Variants in PALM2AKAP2 observed in about 807,000 individuals in gnomAD.
PALM2AKAP2 encodes PALM2-AKAP2 fusion protein.
Under a neutral mutation model 71.5 loss-of-function variants are expected in PALM2AKAP2, and 37 were observed. The observed-to-expected ratio is 0.52, with a 90% CI of 0.40 to 0.68. The LOEUF is 0.68. Among genes scored for constraint, PALM2AKAP2 ranks in the 30% least tolerant of loss-of-function variants. The pLI is 0.00. For missense variants in PALM2AKAP2, 1,224 were observed against 1,191.8 expected, an observed-to-expected ratio of 1.03 and a Z score of -0.40; for synonymous variants, 468 against 478.8, an observed-to-expected ratio of 0.98 and a Z score of 0.29.
chr9:109,785,646 T>G (rs1264257984), intron 1 of PALM2AKAP2, among the ~76,000 whole-genome samples: 1 of 152,208 alleles, frequency 6.6e-6, no homozygotes, highest in East Asian at 1.9e-4. Context: ...GAAACTCCCC[T>G]TTATAAAACC....
chr9:109,697,966 A>G (rs142419775), intron 1 of PALM2AKAP2, among the ~76,000 whole-genome samples: 4 of 152,300 alleles, frequency 2.6e-5, no homozygotes, highest in African/African-American at 4.8e-5. Flanking sequence ...TTGCACCATT[A>G]TTAGTGCTTT....
chr9:109,710,009 A>G (rs756460394), intron 1 of PALM2AKAP2, among the ~76,000 whole-genome samples: 1 of 152,200 alleles, frequency 6.6e-6, no homozygotes, highest in African/African-American at 2.4e-5. Context: ...CCTTATAAGA[A>G]GAAAAGAAAC....
intron 7 of PALM2AKAP2, among the ~76,000 whole-genome samples, chr9:110,017,729 CTT>C (rs11344725): frequency 7.0e-4 from 30 of 42,744 alleles, no homozygotes; most frequent in African/African-American, 6.9e-4. Flanking sequence ...CGGCATATTC[CTT>C]TTTTTTTTTT....
chr9:109,861,314 G>T (rs1829301754), intron 1 of PALM2AKAP2, among the ~76,000 whole-genome samples: 2 of 152,184 alleles, frequency 1.3e-5, no homozygotes, highest in South Asian at 4.1e-4. Context: ...GAGCAAAAAG[G>T]TGGAAATAGG....
chr9:109,898,868 C>G (rs1320485728), intron 3 of PALM2AKAP2, among the ~76,000 whole-genome samples: 1 of 152,214 alleles, frequency 6.6e-6, no homozygotes, highest in Non-Finnish European at 1.5e-5. Context: ...TCCTCACTTT[C>G]ATCAACTGTT....
chr9:109,782,352 G>T (rs1826827196), intron 1 of PALM2AKAP2, among the ~76,000 whole-genome samples: 1 of 151,614 alleles, frequency 6.6e-6, no homozygotes, highest in Non-Finnish European at 1.5e-5. Flanking sequence ...TCTCATGAAT[G>T]TGCACCTAAT....
chr9:109,737,199 T>C (rs2118675134), intron 1 of PALM2AKAP2, among the ~76,000 whole-genome samples: 1 of 152,314 alleles, frequency 6.6e-6, no homozygotes, highest in Middle Eastern at 3.4e-3. Context: ...ACGCTATGAT[T>C]ACAGTGGCTT....
intron 1 of PALM2AKAP2, among the ~76,000 whole-genome samples, chr9:109,661,819 G>C (rs1008423872): frequency 2.4e-4 from 37 of 152,152 alleles, no homozygotes; most frequent in Non-Finnish European, 4.0e-4. Context: ...TCTTCCATTT[G>C]TTTGTGTCCT....
At position 109,809,225 on chromosome 9, in the gene PALM2AKAP2, A is replaced by G. The variant is rs114263298; in HGVS notation, c.45+28692A>G. On this transcript the variant is annotated intron_variant, in intron 1 of 9. Coordinates refer to the PALM2AKAP2 transcript ENST00000302798. ...TACTGACAGCTTTCATCGTGCAACT[A>G]GAAATGCCACAGACTTTCAATGCTA... Among the ~76,000 whole-genome samples the G allele has an allele frequency of 4.7e-3, 721 of 152,322 alleles. 11 individuals carry two copies. Among genetic ancestry groups the G allele is most frequent in the African/African-American group, 0.017 (695 of 41,570 alleles).
rs546934529 is a variant in PALM2AKAP2, at chr9:109,973,949, T to C, written c.496+41921T>C. Among the ~76,000 whole-genome samples, 209 of 152,308 alleles carry C rather than the reference T, an allele frequency of 1.4e-3. 1 individual carries two copies. Among genetic ancestry groups the C allele is most frequent in the African/African-American group, 4.8e-3 (199 of 41,572 alleles). On this transcript the variant is annotated intron_variant, in intron 6 of 9. Coordinates refer to the PALM2AKAP2 transcript ENST00000302798. ...AGCATCTACTATGTGCCTGGCGCTG[T>C]GCTGGGCATTGGAAACACAGTGATG...
At chr9:109,956,219 G>C (rs1211722272) in intron 6 of PALM2AKAP2, among the ~76,000 whole-genome samples, 1 of 151,980 alleles carries the variant, frequency 6.6e-6, no homozygotes, top group Non-Finnish European at 1.5e-5. Flanking sequence ...TGGCCAGGCT[G>C]GTCTCAAACT....
At chr9:110,011,930 A>G (rs1156411384) in intron 6 of PALM2AKAP2, among the ~76,000 whole-genome samples, 2 of 152,232 alleles carry the variant, frequency 1.3e-5, no homozygotes, top group Non-Finnish European at 2.9e-5. Context: ...TACGAGAGTG[A>G]GGGAAGAATT....
At chr9:109,942,601 CT>C (rs529749851) in intron 6 of PALM2AKAP2, 502 of 1,429,338 alleles carry the variant, frequency 3.5e-4, no homozygotes, top group Admixed American at 7.9e-4. Flanking sequence ...GGCACAAAAC[CT>C]TTTTTTTTGT....
chr9:109,721,466 C>T (rs961135919), intron 1 of PALM2AKAP2, among the ~76,000 whole-genome samples: 1 of 152,122 alleles, frequency 6.6e-6, no homozygotes, highest in African/African-American at 2.4e-5. Context: ...GAAACTGAGG[C>T]AAAAATCTAC....
At chr9:109,907,871 A>G (rs942537764) in intron 3 of PALM2AKAP2, among the ~76,000 whole-genome samples, 2 of 152,206 alleles carry the variant, frequency 1.3e-5, no homozygotes, top group African/African-American at 4.8e-5. Flanking sequence ...CCTCCCAGCC[A>G]CTGCCATAGC....
intron 1 of PALM2AKAP2, among the ~76,000 whole-genome samples, chr9:109,796,135 C>G (rs1827245788): frequency 6.6e-6 from 1 of 152,172 alleles, no homozygotes; most frequent in African/African-American, 2.4e-5. Flanking sequence ...CCTTAGCAGT[C>G]TTGTGGAACC....
At chr9:109,826,749 T>G (rs1445891745) in intron 1 of PALM2AKAP2, among the ~76,000 whole-genome samples, 2 of 152,096 alleles carry the variant, frequency 1.3e-5, no homozygotes, top group Non-Finnish European at 2.9e-5. Context: ...AGGGTGTGAA[T>G]GGAGAGTGGA....
In PALM2AKAP2 at chr9:110,024,897, T is replaced by C. The variant is rs546073670; in HGVS notation, c.582+8858T>C. The C allele has an allele frequency of 9.0e-5, 101 of 1,124,984 alleles. 1 individual carries two copies. The highest frequency in any genetic ancestry group is 6.1e-4 in the South Asian group (50 of 81,376). 69.7% of individuals were successfully genotyped at this position (1,124,984 alleles called of 1,614,324 possible). ...AAACACCTATTATGCCATGAATTCATAGGGAATAGGTTCCAGCAGTTCAGG... is the reference window on the plus strand; with the variant it reads ...AAACACCTATTATGCCATGAATTCACAGGGAATAGGTTCCAGCAGTTCAGG... On this transcript the variant is annotated intron_variant, in intron 7 of 9. Coordinates refer to the PALM2AKAP2 transcript ENST00000302798.
At chr9:109,686,489 A>G (rs1362403628) in intron 1 of PALM2AKAP2, among the ~76,000 whole-genome samples, 3 of 152,230 alleles carry the variant, frequency 2.0e-5, no homozygotes, top group African/African-American at 7.2e-5. Context: ...GTGCATTGTC[A>G]AGGAACAGTA....
Sources: gnomAD v4.1 joint callset for allele counts (sites outside exome capture counted in the v4.1 genomes callset) on GRCh38, gnomAD v4.1.1 for gene constraint, MANE v1.5 for transcripts, NCBI Gene and HGNC (gene_info 2026-07-23, HGNC 2026-07-21) for gene names.